Variants in MIR2052HG observed in about 807,000 individuals in gnomAD.
The protein encoded by MIR2052HG is MIR2052 host gene.
chr8:74,745,922 A>G (rs781404773), intron 4 of MIR2052HG, among the ~76,000 whole-genome samples: 1 of 152,168 alleles, frequency 6.6e-6, no homozygotes, highest in Non-Finnish European at 1.5e-5. Context: ...TTCTCCCAGC[A>G]ATTCTATGAA....
At chr8:74,658,416 AGTCTCT>A (rs1358797774) in intron 2 of MIR2052HG, among the ~76,000 whole-genome samples, 2 of 146,962 alleles carry the variant, frequency 1.4e-5, no homozygotes, top group Admixed American at 6.8e-5. Context: ...TTTGAGATGC[AGTCTCT>A]GTCTGTCGCC....
intron 4 of MIR2052HG, among the ~76,000 whole-genome samples, chr8:74,713,381 G>T (rs1809489256): frequency 6.6e-6 from 1 of 152,032 alleles, no homozygotes; most frequent in Non-Finnish European, 1.5e-5. Context: ...ATGACAAAAT[G>T]GATGTAACTC....
At chr8:74,679,983 A>G (rs942397676) in intron 2 of MIR2052HG, among the ~76,000 whole-genome samples, 8 of 152,224 alleles carry the variant, frequency 5.3e-5, no homozygotes, top group Non-Finnish European at 1.2e-4. Flanking sequence ...AACGTAAAAT[A>G]TATGGATACT....
chr8:74,722,808 A>G (rs1809592637), intron 4 of MIR2052HG, among the ~76,000 whole-genome samples: 1 of 152,322 alleles, frequency 6.6e-6, no homozygotes, highest in East Asian at 1.9e-4. Context: ...CCTTCATATT[A>G]TAGTGGAAGG....
At chr8:74,745,808 A>C (rs1308471481) in intron 4 of MIR2052HG, among the ~76,000 whole-genome samples, 2 of 152,184 alleles carry the variant, frequency 1.3e-5, no homozygotes, top group Non-Finnish European at 2.9e-5. Flanking sequence ...GTAAGTATAG[A>C]TAAAAATAGA....
At chr8:74,758,092 T>C (rs1238616807) in intron 5 of MIR2052HG, 4 of 152,174 alleles carry the variant, frequency 2.6e-5, no homozygotes, top group Non-Finnish European at 5.9e-5. Flanking sequence ...CAAAACCTTA[T>C]TCTAGTTTTA....
intron 1 of MIR2052HG, among the ~76,000 whole-genome samples, chr8:74,600,344 A>C (rs201833421): frequency 6.7e-6 from 1 of 149,974 alleles, no homozygotes; most frequent in African/African-American, 2.5e-5. Context: ...CAGCACTTTG[A>C]GAGGCCGAGG....
At chr8:74,627,150 G>C (rs553630957) in intron 2 of MIR2052HG, among the ~76,000 whole-genome samples, 6 of 152,146 alleles carry the variant, frequency 3.9e-5, no homozygotes, top group Non-Finnish European at 5.9e-5. Context: ...AGTTGAGTCA[G>C]GTTCTGCTGT....
rs2128730315 is a variant in MIR2052HG, at chr8:74,603,264, G to A, written n.128+3356G>A. 2.0e-6 allele frequency: 3 copies of A among 1,491,466 alleles called. No homozygotes were observed. The East Asian group carries it at 6.8e-5, about 34-fold the overall frequency. 92.4% of individuals were successfully genotyped at this position (1,491,466 alleles called of 1,614,324 possible). Reference sequence around the variant, plus strand: ...TGGGTGGTGGTGAACAGCAGAAAGGGATTGTGGATAAATCTGCATTGTTCT... The same window carrying A: ...TGGGTGGTGGTGAACAGCAGAAAGGAATTGTGGATAAATCTGCATTGTTCT... On this transcript the variant is annotated intron_variant and non_coding_transcript_variant, in intron 1 of 6. Transcript: ENST00000523442.
At chr8:74,682,512 A>C (rs1238612386) in intron 2 of MIR2052HG, among the ~76,000 whole-genome samples, 1 of 152,176 alleles carries the variant, frequency 6.6e-6, no homozygotes, top group Non-Finnish European at 1.5e-5. Flanking sequence ...AAGGGAAAAC[A>C]TAAACAGAAA....
chr8:74,757,850 T>A (rs1810021231), intron 5 of MIR2052HG: 1 of 152,104 alleles, frequency 6.6e-6, no homozygotes, highest in African/African-American at 2.4e-5. Flanking sequence ...GCCTGCTAGT[T>A]CCTTTGTGGG....
intron 2 of MIR2052HG, among the ~76,000 whole-genome samples, chr8:74,673,910 T>TATATACATAC (rs1485340799): frequency 7.5e-6 from 1 of 133,222 alleles, no homozygotes; most frequent in African/African-American, 3.4e-5. Context: ...TATATATATA[T>TATATACATAC]ACACACACAA....
chr8:74,642,174 T>C (rs1808645413), intron 2 of MIR2052HG, among the ~76,000 whole-genome samples: 1 of 152,188 alleles, frequency 6.6e-6, no homozygotes, highest in Non-Finnish European at 1.5e-5. Flanking sequence ...GGTAAGTTGC[T>C]GTTGGAATTT....
At chr8:74,714,133 A>G (rs1167591360) in intron 4 of MIR2052HG, among the ~76,000 whole-genome samples, 1 of 152,138 alleles carries the variant, frequency 6.6e-6, no homozygotes, top group Admixed American at 6.5e-5. Flanking sequence ...AATTAATTCC[A>G]ATCAGGGTTT....
At chr8:74,654,352 A>G (rs1057328672) in intron 2 of MIR2052HG, among the ~76,000 whole-genome samples, 1 of 152,122 alleles carries the variant, frequency 6.6e-6, no homozygotes, top group African/African-American at 2.4e-5. Flanking sequence ...CACTCAGACA[A>G]AAGATACATG....
At chr8:74,602,021 A>G (rs564574472) in intron 1 of MIR2052HG, among the ~76,000 whole-genome samples, 67 of 152,170 alleles carry the variant, frequency 4.4e-4, no homozygotes, top group Non-Finnish European at 6.6e-4. Flanking sequence ...GAGAGACTCC[A>G]TCCTGAATAG....
At chr8:74,727,158 A>G (rs1809645506) in intron 4 of MIR2052HG, among the ~76,000 whole-genome samples, 1 of 152,218 alleles carries the variant, frequency 6.6e-6, no homozygotes, top group Non-Finnish European at 1.5e-5. Flanking sequence ...GGACACACAC[A>G]CACACTTAAA....
At chr8:74,672,046 T>C (rs1808999282) in intron 2 of MIR2052HG, among the ~76,000 whole-genome samples, 1 of 152,148 alleles carries the variant, frequency 6.6e-6, no homozygotes, top group Non-Finnish European at 1.5e-5. Flanking sequence ...TTCTCTATAA[T>C]CCCTGCTAAT....
At chr8:74,646,997 G>T (rs1808695348) in intron 2 of MIR2052HG, among the ~76,000 whole-genome samples, 1 of 151,896 alleles carries the variant, frequency 6.6e-6, no homozygotes, top group Non-Finnish European at 1.5e-5. Context: ...ATCAATAGTG[G>T]TGGACCTCAG....
Sources: allele counts gnomAD v4.1 joint callset (sites outside exome capture counted in the v4.1 genomes callset), GRCh38; gene constraint gnomAD v4.1.1; transcripts MANE v1.5; gene names NCBI Gene and HGNC (gene_info 2026-07-23, HGNC 2026-07-21).